FCAMR: variants seen among roughly 807,000 people sequenced by gnomAD.
FCAMR encodes the protein Fc alpha and mu receptor.
Under a neutral mutation model 52.2 loss-of-function variants are expected in FCAMR, and 51 were observed. The observed-to-expected ratio is 0.98, with a 90% CI of 0.78 to 1.23. FCAMR has a LOEUF of 1.23. Among genes scored for constraint, FCAMR ranks in the 50% most tolerant of loss-of-function variants. The pLI, the probability that FCAMR is intolerant of heterozygous loss-of-function variation, is 0.00. For missense variants in FCAMR, 719 were observed against 712.6 expected, an observed-to-expected ratio of 1.01 and a Z score of -0.10; for synonymous variants, 282 against 262.0, an observed-to-expected ratio of 1.08 and a Z score of -0.74.
Position 206,970,136 on chromosome 1 carries a change from A to G in FCAMR, c.-11T>C. 1 of 1,613,962 alleles carries G rather than the reference A, an allele frequency of 6.2e-7. No individual in the cohort carries two copies. The highest frequency in any genetic ancestry group is 1.1e-5 in the South Asian group (1 of 91,066). ...GGCCTCTCCATCCATCTCAGTCCAG[A>G]AACAAGATCCAGGTGGACTTTTCTT... On this transcript the variant is annotated 5_prime_UTR_variant, in exon 1 of 8. Transcript: ENST00000324852.
rs769124893 is a variant in FCAMR, at chr1:206,959,833, G to C, written c.1455-36C>G. ...GGTGGAAAGAGCACAGGGGAGAGGAGGTTGGAGCTGGGCAGAAGATTAAAG... is the reference window on the plus strand; with the variant it reads ...GGTGGAAAGAGCACAGGGGAGAGGACGTTGGAGCTGGGCAGAAGATTAAAG... On this transcript the variant is annotated intron_variant, in intron 6 of 7. Coordinates refer to ENST00000324852, the MANE Select transcript of FCAMR (RefSeq NM_001170631.2). 8.6e-6 allele frequency: 13 copies of C among 1,507,966 alleles called. No homozygotes were observed. The East Asian group carries it at 2.7e-4, about 31-fold the overall frequency. 93.4% of individuals were successfully genotyped at this position (1,507,966 alleles called of 1,614,324 possible). A position where few individuals can be genotyped will look rare whatever the true frequency, so the allele number is the denominator to read the frequency against.
chr1:206,960,664 A>G lies in FCAMR; in HGVS notation c.1212T>C (p.Gly404=). The change falls in exon 6 of 8, where the codon GGT becomes GGC. Residue 404 remains glycine (G), a synonymous_variant. Transcript: ENST00000324852. ...CAGCTGGAGTTGTTTCTCCAATGGA[A>G]CCCTGAGATTGTTGCTTAGAAACTG... ...ATPVSKQQSQ[G]SIGETTPAAG... 1 of 1,551,984 alleles carries G rather than the reference A, an allele frequency of 6.4e-7. No individual in the cohort carries two copies. The highest frequency in any genetic ancestry group is 1.4e-5 in the African/African-American group (1 of 73,160).
rs990577722 is a variant in FCAMR at position 206,967,174 on chromosome 1, T to C, written c.109-62A>G. 3.2e-6 allele frequency: 5 copies of C among 1,546,658 alleles called. No homozygotes were observed. The African/African-American group carries it at 5.4e-5, about 17-fold the overall frequency. On this transcript the variant is annotated intron_variant, in intron 2 of 7. Coordinates refer to ENST00000324852, the MANE Select transcript of FCAMR (RefSeq NM_001170631.2). The stretch of plus-strand genomic sequence containing the variant: ...GAAGCTGGGTGAGGGTGGTGGGACT[T>C]GAGAGAACAAGCATCTTCTCACTTT...
chr1:206,958,949 G>A, intron 7 of FCAMR: 1 of 589,574 alleles, frequency 1.7e-6, no homozygotes, highest in Middle Eastern at 2.7e-4. Context: ...CACTTTAAGA[G>A]TACTTAAACC....
intron 2 of FCAMR, 83 bp from the exon 3 acceptor site, chr1:206,967,195 A>T: frequency 6.9e-7 from 1 of 1,440,564 alleles, no homozygotes; most frequent in Non-Finnish European, 9.6e-7. Context: ...GCATCTTCTC[A>T]CTTTGGGATC....
At chr1:206,966,324 G>T (rs1680705969) in intron 3 of FCAMR, among the ~76,000 whole-genome samples, 1 of 152,222 alleles carries the variant, frequency 6.6e-6, no homozygotes, top group Non-Finnish European at 1.5e-5. Flanking sequence ...GACAGCAGGA[G>T]ATTAAAGAGG....
intron 6 of FCAMR, chr1:206,960,201 T>C: frequency 1.8e-6 from 1 of 563,760 alleles, no homozygotes; most frequent in Non-Finnish European, 3.1e-6. Flanking sequence ...GCCTAAATAT[T>C]GTCTTTCTAT....
intron 4 of FCAMR, among the ~76,000 whole-genome samples, chr1:206,963,571 C>G (rs535978767): frequency 6.6e-6 from 1 of 152,302 alleles, no homozygotes; most frequent in African/African-American, 2.4e-5. Context: ...GATCACAACT[C>G]CAATCTTTTG....
Position 206,960,518 on chromosome 1 carries a change from T to C in FCAMR, c.1358A>G (p.Asp453Gly), listed in dbSNP as rs182069937. 5 of 1,551,622 alleles carry C rather than the reference T, an allele frequency of 3.2e-6. No homozygotes were observed. In the African/African-American group the frequency reaches 6.8e-5, roughly 21 times the overall value. ...SGEGSAAGDL[D>G]AATGDRGPQA... is the part of the protein sequence containing the mutation. The stretch of plus-strand genomic sequence containing the variant: ...GGGACCTCTGTCTCCAGTGGCAGCA[T>C]CTAGGTCCCCTGCAGCGCTTCCTTC... Residue 453 changes from aspartate to glycine, a missense_variant, in exon 6 of 8, where the codon GAT becomes GGT. Coordinates refer to ENST00000324852, the MANE Select transcript of FCAMR (RefSeq NM_001170631.2).
intron 1 of FCAMR, 26 bp downstream of exon 1, chr1:206,970,061 A>G: frequency 3.1e-6 from 5 of 1,613,800 alleles, no homozygotes; most frequent in East Asian, 2.2e-5. Flanking sequence ...CAAGATCCCA[A>G]CCTCCAGGAG....
At chr1:206,965,550 T>TG in intron 4 of FCAMR, among the ~76,000 whole-genome samples, 165 bp downstream of exon 4, 1 of 152,138 alleles carries the variant, frequency 6.6e-6, no homozygotes, top group Non-Finnish European at 1.5e-5. Context: ...TGGAGGTGGG[T>TG]GCCCTGGCTC....
At chr1:206,963,726 G>T (rs954938066) in intron 4 of FCAMR, among the ~76,000 whole-genome samples, 44 of 152,300 alleles carry the variant, frequency 2.9e-4, no homozygotes, top group African/African-American at 1.0e-3. Flanking sequence ...TGGGCAGAGT[G>T]GGGAGAGGAG....
chr1:206,964,805 A>G (rs1042047400), intron 4 of FCAMR, among the ~76,000 whole-genome samples: 1 of 152,210 alleles, frequency 6.6e-6, no homozygotes, highest in Non-Finnish European at 1.5e-5. Flanking sequence ...TGCCAGGAAC[A>G]GTTAAGCAGT....
At chr1:206,960,232 A>G in intron 6 of FCAMR, 190 bp downstream of exon 6, 1 of 594,338 alleles carries the variant, frequency 1.7e-6, no homozygotes, top group East Asian at 2.9e-5. Flanking sequence ...TCACTTGAAA[A>G]CCACATGGAA....
chr1:206,965,513 C>T (rs1406324328), intron 4 of FCAMR, among the ~76,000 whole-genome samples: 1 of 152,160 alleles, frequency 6.6e-6, no homozygotes, highest in African/African-American at 2.4e-5. Context: ...CACCTGGGGG[C>T]CCTGATGCCA....
At chr1:206,965,253 T>TC (rs1455148833) in intron 4 of FCAMR, among the ~76,000 whole-genome samples, 1 of 152,196 alleles carries the variant, frequency 6.6e-6, no homozygotes, top group African/African-American at 2.4e-5. Flanking sequence ...GGAGCAGGGT[T>TC]CCACTAATCA....
At chr1:206,959,610 T>C (rs1680409742) in intron 7 of FCAMR, 69 bp downstream of exon 7, 1 of 1,279,460 alleles carries the variant, frequency 7.8e-7, no homozygotes, top group African/African-American at 1.5e-5. Context: ...ACTCTACCCC[T>C]ACCCAGCCCT....
rs200080134 is a variant in FCAMR at position 206,959,782 on chromosome 1, A to G, written c.1470T>C (p.Asp490=). 7.1e-5 allele frequency: 115 copies of G among 1,613,922 alleles called. No individual in the cohort carries two copies. Among genetic ancestry groups the G allele is most frequent in the Non-Finnish European group, 7.9e-5 (93 of 1,179,930 alleles). The change falls in exon 7 of 8, where the codon GAT becomes GAC. Residue 490 remains aspartate (D), a synonymous_variant. Coordinates refer to ENST00000324852, the MANE Select transcript of FCAMR (RefSeq NM_001170631.2). ...GAGCCAGGGTCCGAGAGCTGCTTTC[A>G]TCTTCTGGAAAAGTACTACAGTGGG... The part of the protein sequence containing the change: ...ESSVKRTFPE[D]ESSSRTLAPV...
At position 206,958,520 on chromosome 1, in the gene FCAMR, G is replaced by A. The variant is rs758295007; in HGVS notation, c.1730C>T (p.Pro577Leu). The A allele has an allele frequency of 6.2e-7, 1 of 1,611,476 alleles. No homozygotes were observed. Among genetic ancestry groups the A allele is most frequent in the Non-Finnish European group, 8.5e-7 (1 of 1,179,406 alleles). ...AGCAGTTCATCTCTCTGTCCCTCAG[G>A]GTCCTGGATTTCTCTCTGGGGCAGT... ...SLTAPERNPG[P>L] Residue 577 changes from proline (P) to leucine (L), a missense_variant, in exon 8 of 8, where the codon CCC (proline) becomes CTC (leucine). Transcript: ENST00000324852.
Sources: allele counts gnomAD v4.1 joint callset (sites outside exome capture counted in the v4.1 genomes callset), GRCh38; gene constraint gnomAD v4.1.1; transcripts MANE v1.5; gene names NCBI Gene and HGNC (gene_info 2026-07-23, HGNC 2026-07-21).